UBE2E2: variants seen among roughly 807,000 people sequenced by gnomAD.
UBE2E2 encodes ubiquitin-conjugating enzyme E2 E2.
UBE2E2 carries 6 observed loss-of-function variants against 24.7 expected under a neutral mutation model. The observed-to-expected ratio is 0.24, with a 90% CI of 0.13 to 0.48. The LOEUF is 0.48. Ranked by LOEUF, UBE2E2 falls within the 20% of genes least tolerant of loss-of-function variation. The probability of loss-of-function intolerance (pLI) is 0.99; values close to 1 mark genes in which losing one functional copy is unlikely to be tolerated. For synonymous variants in UBE2E2, 104 were observed against 83.6 expected (o/e 1.24, Z -1.33); for missense variants, 169 against 245.0 (o/e 0.69, Z 2.07).
intron 5 of UBE2E2, among the ~76,000 whole-genome samples, chr3:23,544,500 A>T (rs1046604119): frequency 1.3e-5 from 2 of 152,222 alleles, no homozygotes; most frequent in African/African-American, 4.8e-5. Context: ...CTACAATGAA[A>T]TTCACCTCAG....
At chr3:23,491,781 C>G (rs746182518) in intron 3 of UBE2E2, among the ~76,000 whole-genome samples, 9 of 152,160 alleles carry the variant, frequency 5.9e-5, no homozygotes, top group African/African-American at 1.2e-4. Context: ...GGAAATTGCC[C>G]TAGCTGCAGT....
At chr3:23,306,269 C>A (rs185478118) in intron 3 of UBE2E2, among the ~76,000 whole-genome samples, 1 of 152,308 alleles carries the variant, frequency 6.6e-6, no homozygotes, top group Non-Finnish European at 1.5e-5. Flanking sequence ...TGTCTCAGTT[C>A]TCTGACTAGC....
chr3:23,263,029 A>G (rs1046658115), intron 3 of UBE2E2, among the ~76,000 whole-genome samples: 5 of 152,202 alleles, frequency 3.3e-5, no homozygotes, highest in Admixed American at 3.3e-4. Flanking sequence ...GAGGAAAAGC[A>G]GGCAGAAGTT....
intron 3 of UBE2E2, among the ~76,000 whole-genome samples, chr3:23,450,131 C>A (rs1244270835): frequency 1.3e-5 from 2 of 152,110 alleles, no homozygotes; most frequent in African/African-American, 2.4e-5. Flanking sequence ...GCTTTTATCC[C>A]CTTGCTTCTT....
chr3:23,219,929 A>G (rs1052537369), intron 3 of UBE2E2, among the ~76,000 whole-genome samples: 9 of 152,124 alleles, frequency 5.9e-5, no homozygotes, highest in Non-Finnish European at 1.0e-4. Flanking sequence ...CGGGAACCTT[A>G]ACAGACAACC....
At chr3:23,304,737 T>G (rs1699194658) in intron 3 of UBE2E2, among the ~76,000 whole-genome samples, 1 of 152,212 alleles carries the variant, frequency 6.6e-6, no homozygotes, top group Non-Finnish European at 1.5e-5. Flanking sequence ...TTAATTGCTA[T>G]GTGGAATCTG....
intron 3 of UBE2E2, among the ~76,000 whole-genome samples, chr3:23,303,428 TG>T (rs1242479926): frequency 6.6e-6 from 1 of 152,116 alleles, no homozygotes; most frequent in Non-Finnish European, 1.5e-5. Context: ...CCAGAAAGGT[TG>T]GGGACCGCTG....
intron 3 of UBE2E2, among the ~76,000 whole-genome samples, chr3:23,372,267 A>G (rs1369028501): frequency 6.6e-6 from 1 of 152,226 alleles, no homozygotes; most frequent in Admixed American, 6.5e-5. Flanking sequence ...GATTTTTAAA[A>G]AATTTCTGTT....
intron 3 of UBE2E2, among the ~76,000 whole-genome samples, chr3:23,460,454 G>T (rs891811102): frequency 9.9e-5 from 15 of 152,104 alleles, no homozygotes; most frequent in African/African-American, 3.6e-4. Flanking sequence ...CTACATTATG[G>T]GTTACATGCG....
At chr3:23,549,389 T>TA (rs1695592285) in intron 5 of UBE2E2, among the ~76,000 whole-genome samples, 1 of 152,228 alleles carries the variant, frequency 6.6e-6, no homozygotes, top group Admixed American at 6.5e-5. Context: ...TTGCTAGACT[T>TA]ATCAGTGTCA....
intron 3 of UBE2E2, among the ~76,000 whole-genome samples, chr3:23,362,805 T>C (rs1696154187): frequency 6.6e-6 from 1 of 152,132 alleles, no homozygotes. Context: ...TAGCAATGCC[T>C]GCTAGAACTT....
At chr3:23,326,693 C>CT (rs1311321245) in intron 3 of UBE2E2, among the ~76,000 whole-genome samples, 1 of 152,164 alleles carries the variant, frequency 6.6e-6, no homozygotes, top group South Asian at 2.1e-4. Context: ...TTGTTTTATA[C>CT]TTTAAGTTCT....
intron 3 of UBE2E2, among the ~76,000 whole-genome samples, chr3:23,478,676 A>G (rs924916436): frequency 3.9e-4 from 60 of 152,144 alleles, no homozygotes; most frequent in African/African-American, 1.4e-3. Flanking sequence ...AAAATAGCAA[A>G]TTCAAATCTG....
intron 3 of UBE2E2, among the ~76,000 whole-genome samples, chr3:23,304,171 A>G (rs1257279877): frequency 1.3e-5 from 2 of 152,218 alleles, no homozygotes; most frequent in African/African-American, 4.8e-5. Context: ...TTAGCAGGCC[A>G]CTTTTGACCG....
intron 3 of UBE2E2, among the ~76,000 whole-genome samples, chr3:23,251,448 A>G (rs1214193924): frequency 1.3e-5 from 2 of 152,202 alleles, no homozygotes; most frequent in African/African-American, 2.4e-5. Context: ...CATTCGAATC[A>G]TCATCCAATT....
At chr3:23,324,195 T>G (rs547115681) in intron 3 of UBE2E2, among the ~76,000 whole-genome samples, 1 of 152,172 alleles carries the variant, frequency 6.6e-6, no homozygotes, top group Non-Finnish European at 1.5e-5. Flanking sequence ...ACTGCATCAC[T>G]TATGATTATT....
intron 3 of UBE2E2, among the ~76,000 whole-genome samples, chr3:23,480,766 A>C (rs1258006862): frequency 6.6e-6 from 1 of 152,268 alleles, no homozygotes; most frequent in Non-Finnish European, 1.5e-5. Flanking sequence ...CAGTAACTGA[A>C]GGGCATTGAC....
At chr3:23,344,713 T>C (rs753081093) in intron 3 of UBE2E2, among the ~76,000 whole-genome samples, 4 of 151,644 alleles carry the variant, frequency 2.6e-5, no homozygotes, top group African/African-American at 9.7e-5. Flanking sequence ...TATATATATA[T>C]ACACATACAC....
intron 3 of UBE2E2, among the ~76,000 whole-genome samples, chr3:23,348,913 G>A (rs1695641950): frequency 6.6e-6 from 1 of 152,090 alleles, no homozygotes; most frequent in South Asian, 2.1e-4. Context: ...CAAAGCCAAA[G>A]GGCAGTTTTT....
Sources: gnomAD v4.1 joint callset for allele counts (sites outside exome capture counted in the v4.1 genomes callset) on GRCh38, gnomAD v4.1.1 for gene constraint, MANE v1.5 for transcripts, NCBI Gene and HGNC (gene_info 2026-07-23, HGNC 2026-07-21) for gene names.